PPFIA2: variants seen among roughly 807,000 people sequenced by gnomAD.
The protein encoded by PPFIA2 is liprin-alpha-2.
PPFIA2 carries 46 observed loss-of-function variants against 175.5 expected under a neutral mutation model. The ratio of observed to expected loss-of-function variants is 0.26; its 90% confidence interval spans 0.21 to 0.34. The LOEUF (loss-of-function observed/expected upper bound fraction) is 0.34, where lower values mean the gene tolerates loss of function less well. Among genes scored for constraint, PPFIA2 ranks in the 10% least tolerant of loss-of-function variants. The pLI is 1.00. For synonymous variants in PPFIA2, 568 were observed against 511.4 expected (o/e 1.11, Z -1.49); for missense variants, 1,179 against 1,506.1 (o/e 0.78, Z 3.60).
intron 28 of PPFIA2, among the ~76,000 whole-genome samples, chr12:81,274,179 G>A (rs922752405): frequency 1.3e-5 from 2 of 152,218 alleles, no homozygotes; most frequent in Non-Finnish European, 2.9e-5. Context: ...AGTGCTTGTG[G>A]GTGGCAGCAA....
chr12:81,579,803 C>A (rs771571168), intron 4 of PPFIA2, among the ~76,000 whole-genome samples: 5 of 151,868 alleles, frequency 3.3e-5, no homozygotes, highest in Non-Finnish European at 7.4e-5. Context: ...ATCTCTTATA[C>A]ACTATTTTCC....
intron 8 of PPFIA2, among the ~76,000 whole-genome samples, chr12:81,394,603 A>G (rs1251607246): frequency 1.3e-5 from 2 of 151,990 alleles, no homozygotes; most frequent in East Asian, 3.9e-4. Context: ...AAGTTGAACA[A>G]CGAGAACACA....
intron 14 of PPFIA2, among the ~76,000 whole-genome samples, chr12:81,365,509 A>G (rs2141328553): frequency 6.6e-6 from 1 of 151,864 alleles, no homozygotes; most frequent in East Asian, 1.9e-4. Flanking sequence ...AGGAGCACAC[A>G]GAGCTTTGGA....
chr12:81,732,978 T>C lies in PPFIA2; in HGVS notation c.249+20995A>G, dbSNP rs1456043842. Among the ~76,000 whole-genome samples, 3 of 151,608 alleles carry C rather than the reference T, an allele frequency of 2.0e-5. No homozygotes were observed. In the East Asian group the frequency reaches 5.8e-4, roughly 29 times the overall value. ...ACCAAAATAGGTATTATAAACTGTG[T>C]TGAAAATTAACTTAGAGCAGACCAG... On this transcript the variant is annotated intron_variant, in intron 3 of 32. Coordinates refer to ENST00000549396, the MANE Select transcript of PPFIA2 (RefSeq NM_003625.5).
chr12:81,597,348 A>G lies in PPFIA2; in HGVS notation c.303+79443T>C, dbSNP rs561054457. 2.6e-5 allele frequency among the ~76,000 whole-genome samples: 4 copies of G among 152,174 alleles called. No homozygotes were observed. In the South Asian group the frequency reaches 6.2e-4, roughly 24 times the overall value. On this transcript the variant is annotated intron_variant, in intron 4 of 32. Transcript: ENST00000549396. Reference sequence around the variant, plus strand: ...GCTTTCTAACTCATATTTATATTATAAATCATTTTGACTTTTCGATAACAC... The same window carrying G: ...GCTTTCTAACTCATATTTATATTATGAATCATTTTGACTTTTCGATAACAC...
At chr12:81,497,530 CT>C (rs34030284) in intron 4 of PPFIA2, among the ~76,000 whole-genome samples, 3,965 of 66,132 alleles carry the variant, frequency 0.06, 30 homozygotes, top group East Asian at 0.14. Context: ...TCATTGATGT[CT>C]TTTTTTTTTT....
chr12:81,320,697 T>G (rs2053471170), intron 22 of PPFIA2, among the ~76,000 whole-genome samples: 2 of 152,060 alleles, frequency 1.3e-5, no homozygotes, highest in Non-Finnish European at 2.9e-5. Flanking sequence ...GATAAAGAAT[T>G]AAGCTAAATA....
chr12:81,450,096 A>T (rs2052230559), intron 5 of PPFIA2, among the ~76,000 whole-genome samples: 1 of 152,188 alleles, frequency 6.6e-6, no homozygotes, highest in Non-Finnish European at 1.5e-5. Context: ...GCTGCAATAA[A>T]CATAAGTGTG....
At chr12:81,330,633 T>A (rs1409680041) in intron 21 of PPFIA2, among the ~76,000 whole-genome samples, 1 of 152,214 alleles carries the variant, frequency 6.6e-6, no homozygotes, top group African/African-American at 2.4e-5. Flanking sequence ...TAGAAATTGC[T>A]TGACAAACCC....
At chr12:81,367,980 G>T in intron 13 of PPFIA2, 1 of 605,250 alleles carries the variant, frequency 1.7e-6, no homozygotes, top group South Asian at 1.7e-5. Context: ...CTAACTTTTT[G>T]TCAAAACATT....
chr12:81,318,210 T>C (rs998134416), intron 22 of PPFIA2, among the ~76,000 whole-genome samples: 1 of 151,718 alleles, frequency 6.6e-6, no homozygotes, highest in Admixed American at 6.6e-5. Context: ...ATCTCACTAG[T>C]ATGGTCATGT....
Position 81,374,858 on chromosome 12 carries a change from T to C in PPFIA2, c.1132-90A>G. On this transcript the variant is annotated intron_variant, in intron 10 of 32. Coordinates refer to ENST00000549396, the MANE Select transcript of PPFIA2 (RefSeq NM_003625.5). ...CAGGGGCTTTGCACTTCAGCCATGA[T>C]TCTAGATTTAAATCAGCCACTACCA... 3.9e-6 allele frequency: 5 copies of C among 1,282,154 alleles called. No homozygotes were observed. In the East Asian group the frequency reaches 1.2e-4, roughly 31 times the overall value. 79.4% of individuals were successfully genotyped at this position (1,282,154 alleles called of 1,614,324 possible).
chr12:81,324,221 C>T (rs753005651), intron 22 of PPFIA2, among the ~76,000 whole-genome samples: 5 of 151,942 alleles, frequency 3.3e-5, no homozygotes, highest in African/African-American at 7.2e-5. Flanking sequence ...ATTATCAAAT[C>T]AACCCAATAG....
At chr12:81,294,439 TAGGAAGGAAGGA>T (rs141474237) in intron 24 of PPFIA2, 4,372 of 116,648 alleles carry the variant, frequency 0.037, 138 homozygotes, top group East Asian at 0.16. Flanking sequence ...GGAAGGTAGG[TAGGAAGGAAGGA>T]AGGAAGGAAG....
At chr12:81,360,386 G>T (rs1308315826) in intron 15 of PPFIA2, among the ~76,000 whole-genome samples, 1 of 151,820 alleles carries the variant, frequency 6.6e-6, no homozygotes, top group Non-Finnish European at 1.5e-5. Flanking sequence ...TCTCATTAAA[G>T]AACTTGCATA....
At chr12:81,636,594 A>G (rs568193663) in intron 4 of PPFIA2, among the ~76,000 whole-genome samples, 1 of 150,764 alleles carries the variant, frequency 6.6e-6, no homozygotes, top group Non-Finnish European at 1.5e-5. Context: ...AAAAAAAAGT[A>G]AAGGAAAAGA....
intron 4 of PPFIA2, among the ~76,000 whole-genome samples, chr12:81,634,673 A>G (rs938721521): frequency 5.9e-5 from 9 of 152,114 alleles, no homozygotes; most frequent in South Asian, 2.1e-4. Flanking sequence ...CATTATTTGA[A>G]TTATCATAAT....
chr12:81,466,641 T>C (rs2055683307), intron 4 of PPFIA2, among the ~76,000 whole-genome samples: 1 of 152,002 alleles, frequency 6.6e-6, no homozygotes, highest in Non-Finnish European at 1.5e-5. Flanking sequence ...TGACAATAGC[T>C]TGCTAGAGAT....
intron 27 of PPFIA2, among the ~76,000 whole-genome samples, chr12:81,277,802 C>G (rs1272114052): frequency 6.6e-6 from 1 of 152,140 alleles, no homozygotes; most frequent in Non-Finnish European, 1.5e-5. Context: ...GAAATGGATA[C>G]TCTCTTCTTA....
Sources: allele counts gnomAD v4.1 joint callset (sites outside exome capture counted in the v4.1 genomes callset), GRCh38; gene constraint gnomAD v4.1.1; transcripts MANE v1.5; gene names NCBI Gene and HGNC (gene_info 2026-07-23, HGNC 2026-07-21).